The following MGAT4C variants were observed in gnomAD, a reference collection of about 807,000 sequenced individuals.
The protein encoded by MGAT4C is MGAT4 family member C.
Under a neutral mutation model 40.1 loss-of-function variants are expected in MGAT4C, and 19 were observed. The ratio of observed to expected loss-of-function variants is 0.47; its 90% confidence interval spans 0.33 to 0.70. The LOEUF (loss-of-function observed/expected upper bound fraction) is 0.70, where lower values mean the gene tolerates loss of function less well. Among genes scored for constraint, MGAT4C ranks in the 30% least tolerant of loss-of-function variants. MGAT4C has a pLI of 0.02. For synonymous variants in MGAT4C, 181 were observed against 187.1 expected (o/e 0.97, Z 0.27); for missense variants, 491 against 563.2 (o/e 0.87, Z 1.30).
intron 2 of MGAT4C, among the ~76,000 whole-genome samples, chr12:86,046,378 C>T (rs1477603878): frequency 2.0e-5 from 3 of 152,152 alleles, no homozygotes; most frequent in Admixed American, 6.5e-5. Flanking sequence ...CCTTGTGAAA[C>T]CCTTCCCTGA....
intron 1 of MGAT4C, among the ~76,000 whole-genome samples, chr12:86,217,972 A>G (rs923092675): frequency 3.3e-5 from 5 of 152,014 alleles, no homozygotes; most frequent in Non-Finnish European, 5.9e-5. Flanking sequence ...ATTATCTATA[A>G]ATTTTTTCTA....
chr12:86,551,562 A>C (rs973218450), intron 2 of MGAT4C, among the ~76,000 whole-genome samples: 4 of 152,070 alleles, frequency 2.6e-5, no homozygotes, highest in Admixed American at 2.6e-4. Flanking sequence ...CTACATCCAA[A>C]GCCTGATAAA....
intron 2 of MGAT4C, among the ~76,000 whole-genome samples, chr12:86,506,531 G>C (rs1453421828): frequency 2.0e-5 from 3 of 152,152 alleles, no homozygotes; most frequent in African/African-American, 7.2e-5. Context: ...GAAAGAGAAA[G>C]TAGATATTTC....
intron 4 of MGAT4C, among the ~76,000 whole-genome samples, chr12:86,269,842 G>C (rs1952897397): frequency 6.6e-6 from 1 of 152,042 alleles, no homozygotes; most frequent in Non-Finnish European, 1.5e-5. Flanking sequence ...CAATCTCCTT[G>C]AAAATGTTAC....
chr12:86,019,195 A>C (rs1257828551), intron 2 of MGAT4C, among the ~76,000 whole-genome samples: 5 of 152,116 alleles, frequency 3.3e-5, no homozygotes, highest in African/African-American at 1.2e-4. Flanking sequence ...GACAATGATG[A>C]TGAAAATAAC....
intron 1 of MGAT4C, among the ~76,000 whole-genome samples, chr12:86,093,783 G>C (rs940460929): frequency 2.0e-5 from 3 of 148,956 alleles, no homozygotes; most frequent in Non-Finnish European, 4.5e-5. Flanking sequence ...CACCTACAAG[G>C]CCCTTTTAAA....
chr12:86,348,715 A>AT, intron 3 of MGAT4C, among the ~76,000 whole-genome samples: 1 of 152,024 alleles, frequency 6.6e-6, no homozygotes, highest in East Asian at 1.9e-4. Context: ...TAGTTGTTTA[A>AT]TTTTTTTAAA....
chr12:86,603,552 A>C lies in MGAT4C; in HGVS notation c.-229+123657T>G, dbSNP rs574723396. Among the ~76,000 whole-genome samples, 24 of 3,576 alleles carry C rather than the reference A, an allele frequency of 6.7e-3. 5 individuals are homozygous for C. Among genetic ancestry groups the C allele is most frequent in the South Asian group, 0.12 (1 of 8 alleles). 2.3% of individuals were successfully genotyped at this position (3,576 alleles called of 152,430 possible). ...ATATATAGTCTATAGACTATAGATAATATATAGTCTATAGACTATAGATAA... is the reference window on the plus strand; with the variant it reads ...ATATATAGTCTATAGACTATAGATACTATATAGTCTATAGACTATAGATAA... On this transcript the variant is annotated intron_variant, in intron 2 of 7. Transcript: ENST00000548651.
At chr12:86,099,354 C>T (rs1359475173) in intron 1 of MGAT4C, among the ~76,000 whole-genome samples, 1 of 150,904 alleles carries the variant, frequency 6.6e-6, no homozygotes, top group Non-Finnish European at 1.5e-5. Flanking sequence ...TATTTTTATT[C>T]AAAACTTTTT....
chr12:86,405,570 G>T (rs900291878), intron 3 of MGAT4C, among the ~76,000 whole-genome samples: 1 of 151,900 alleles, frequency 6.6e-6, no homozygotes, highest in Non-Finnish European at 1.5e-5. Flanking sequence ...TTGAAATACA[G>T]TTGTAAAGCA....
At position 86,378,885 on chromosome 12, in the gene MGAT4C, A is replaced by T. The variant is rs181458454; in HGVS notation, c.-119-44758T>A. On this transcript the variant is annotated intron_variant, in intron 3 of 7. Coordinates refer to the MGAT4C transcript ENST00000548651. ...CAGACTAGAGAAGTTTACAAAAGTTACAGTGAGGCCAGAAGGAGTTCTGCT... is the reference window on the plus strand; with the variant it reads ...CAGACTAGAGAAGTTTACAAAAGTTTCAGTGAGGCCAGAAGGAGTTCTGCT... Among the ~76,000 whole-genome samples the T allele has an allele frequency of 6.3e-3, 966 of 152,284 alleles. 7 individuals carry two copies. Among genetic ancestry groups the T allele is most frequent in the Non-Finnish European group, 8.9e-3 (607 of 67,980 alleles).
In MGAT4C at chr12:86,073,937, G is replaced by A. The variant is rs377446321; in HGVS notation, c.-56-24214C>T. On this transcript the variant is annotated intron_variant, in intron 1 of 4. Transcript: ENST00000611864. Reference sequence around the variant, plus strand: ...AGGACATGAGATTTGGAGGGGCCAGGGGTGAAATTATATGGTTTGGCTATG... The same window carrying A: ...AGGACATGAGATTTGGAGGGGCCAGAGGTGAAATTATATGGTTTGGCTATG... 3.3e-5 allele frequency among the ~76,000 whole-genome samples: 5 copies of A among 152,060 alleles called. No homozygotes were observed. In the South Asian group the frequency reaches 1.0e-3, roughly 31 times the overall value.
intron 3 of MGAT4C, among the ~76,000 whole-genome samples, chr12:86,372,206 A>G (rs994535365): frequency 6.6e-6 from 1 of 151,882 alleles, no homozygotes; most frequent in Admixed American, 6.6e-5. Context: ...TATTTTTAAT[A>G]TGACATCAAG....
chr12:86,125,584 A>G (rs762062915), intron 1 of MGAT4C, among the ~76,000 whole-genome samples: 4 of 152,186 alleles, frequency 2.6e-5, no homozygotes, highest in Admixed American at 6.6e-5. Context: ...ACTACTAGAC[A>G]TATGAAAACA....
At chr12:86,594,695 CA>C (rs1448944765) in intron 2 of MGAT4C, among the ~76,000 whole-genome samples, 1 of 152,140 alleles carries the variant, frequency 6.6e-6, no homozygotes, top group East Asian at 1.9e-4. Flanking sequence ...ATTCATGAAG[CA>C]GACCACTCTC....
chr12:86,379,854 AGT>A (rs1192522746), intron 3 of MGAT4C, among the ~76,000 whole-genome samples: 1 of 152,036 alleles, frequency 6.6e-6, no homozygotes, highest in Non-Finnish European at 1.5e-5. Flanking sequence ...AGTTAGAATA[AGT>A]GTTCTTGTTA....
chr12:86,314,447 G>A (rs1954152836), intron 4 of MGAT4C, among the ~76,000 whole-genome samples: 1 of 152,108 alleles, frequency 6.6e-6, no homozygotes, highest in South Asian at 2.1e-4. Context: ...CCTAGCCCAG[G>A]CAATCAGGCA....
chr12:86,809,978 T>C (rs1262209937), intron 1 of MGAT4C, among the ~76,000 whole-genome samples: 2 of 152,058 alleles, frequency 1.3e-5, no homozygotes, highest in Admixed American at 1.3e-4. Flanking sequence ...CCGTACTATA[T>C]TGATTCCAAT....
chr12:86,023,988 A>G (rs1035853137), intron 2 of MGAT4C, among the ~76,000 whole-genome samples: 2 of 151,836 alleles, frequency 1.3e-5, no homozygotes, highest in Non-Finnish European at 3.0e-5. Flanking sequence ...AAATGTTCTT[A>G]TATGTTTAAT....
Sources: allele counts gnomAD v4.1 joint callset (sites outside exome capture counted in the v4.1 genomes callset), GRCh38; gene constraint gnomAD v4.1.1; transcripts MANE v1.5; gene names NCBI Gene and HGNC (gene_info 2026-07-23, HGNC 2026-07-21).